ZNF333: variants seen among roughly 807,000 people sequenced by gnomAD.
The protein encoded by ZNF333 is zinc finger protein 333.
Under a neutral mutation model 76.1 loss-of-function variants are expected in ZNF333, and 61 were observed. The observed-to-expected ratio is 0.80, with a 90% CI of 0.65 to 0.99. The LOEUF (loss-of-function observed/expected upper bound fraction) is 0.99. ZNF333 is among the 50% of genes least tolerant of loss of function. The pLI is 0.00. For synonymous variants in ZNF333, 284 were observed against 305.0 expected (o/e 0.93, Z 0.72); for missense variants, 717 against 822.4 (o/e 0.87, Z 1.57).
Position 14,695,635 on chromosome 19 carries a change from G to A in ZNF333, c.197G>A (p.Arg66Gln), listed in dbSNP as rs201270382. 4 of 1,614,138 alleles carry A rather than the reference G, an allele frequency of 2.5e-6. No individual in the cohort carries two copies. Among genetic ancestry groups the A allele is most frequent in the South Asian group, 2.2e-5 (2 of 91,084 alleles). ...AGAGCAGAGCCAAAGGCAACAGAAC[G>A]AGGGATTCTCCGTGCCACAGGTGTT... is the stretch of plus-strand genomic sequence containing the variant. ...GQRAEPKATERGILRATGVAW... is the reference protein window; with the variant it reads ...GQRAEPKATEQGILRATGVAW... The change falls in exon 4 of 12, where the codon CGA (arginine) becomes CAA (glutamine). Residue 66 changes from arginine to glutamine, a missense_variant. Physicochemically the swap from Arg to Gln is conservative, Grantham distance 43 (BLOSUM62 1). Transcript: ENST00000292530.
At chr19:14,696,083 A>C (rs1036044957) in intron 4 of ZNF333, among the ~76,000 whole-genome samples, 5 of 152,304 alleles carry the variant, frequency 3.3e-5, no homozygotes, top group African/African-American at 1.2e-4. Context: ...AGGCATGAGA[A>C]TTGCTTGAAC....
chr19:14,701,342 T>C (rs1288631599), intron 5 of ZNF333, among the ~76,000 whole-genome samples: 1 of 152,204 alleles, frequency 6.6e-6, no homozygotes. Context: ...GCTCAAGTGC[T>C]CTTCCTGCCT....
At chr19:14,722,672 G>C (rs539425008), downstream of ZNF333, among the ~76,000 whole-genome samples, 18 of 152,090 alleles carry the variant, frequency 1.2e-4, no homozygotes, top group Non-Finnish European at 2.2e-4. Context: ...AAAAATCATT[G>C]CAAATCTAAT....
exon 12 of ZNF333, chr19:14,731,332 A>G: frequency 1.3e-6 from 1 of 775,058 alleles, no homozygotes; most frequent in South Asian, 1.7e-5. Flanking sequence ...TTGGACTTTC[A>G]AACTTCCAGT....
At chr19:14,713,689 G>A (rs1048626835) in intron 7 of ZNF333, among the ~76,000 whole-genome samples, 3 of 152,100 alleles carry the variant, frequency 2.0e-5, no homozygotes, top group Admixed American at 1.3e-4. Context: ...TAGGTGCAGT[G>A]GCTTGCAGCT....
chr19:14,711,028 C>T (rs1302775647), intron 7 of ZNF333, among the ~76,000 whole-genome samples: 1 of 152,026 alleles, frequency 6.6e-6, no homozygotes, highest in Non-Finnish European at 1.5e-5. Context: ...TAACAACCAG[C>T]TTCCTTGGAA....
chr19:14,702,013 CT>C (rs1383923022), intron 5 of ZNF333: 1 of 581,012 alleles, frequency 1.7e-6, no homozygotes, highest in Non-Finnish European at 2.2e-6. Flanking sequence ...GGTGCTGACC[CT>C]TTAGGTAGCC....
chr19:14,720,388 C>T lies in ZNF333; in HGVS notation c.*1063C>T. On this transcript the variant is annotated 3_prime_UTR_variant, in exon 12 of 12. Transcript: ENST00000292530. Reference sequence around the variant, plus strand: ...TGGACAAGTAGACATGATTTCTAGACCTAGAGGAGCCCTCCTGTGACCATA... The same window carrying T: ...TGGACAAGTAGACATGATTTCTAGATCTAGAGGAGCCCTCCTGTGACCATA... The T allele has an allele frequency of 1.0e-6, 1 of 985,408 alleles. No individual in the cohort carries two copies. Among genetic ancestry groups the T allele is most frequent in the Non-Finnish European group, 1.2e-6 (1 of 829,938 alleles). The allele number at this position is 985,408 out of a possible 1,614,324, so 61.0% of individuals were successfully genotyped here.
At chr19:14,705,206 G>C (rs765475611) in intron 6 of ZNF333, 36 bp downstream of exon 6, 51 of 1,593,180 alleles carry the variant, frequency 3.2e-5, no homozygotes, top group Admixed American at 3.0e-4. Context: ...ATGGCACCAG[G>C]TGCAGTCAGG....
In ZNF333 at chr19:14,696,731, CTTTTTTTTTTTTT is replaced by C. The variant is rs55742444; in HGVS notation, c.223+1083_223+1095del. Among the ~76,000 whole-genome samples the C allele has an allele frequency of 9.7e-5, 8 of 82,718 alleles. No individual in the cohort carries two copies. The South Asian group carries it at 4.2e-3, about 43-fold the overall frequency. 54.3% of individuals were successfully genotyped at this position (82,718 alleles called of 152,430 possible). ...GGCAGATTCCTCGTGACCTAATCAC[CTTTTTTTTTTTTT>C]TTTTTTTTTTTTGGGACAGAGTCTC... is the stretch of plus-strand genomic sequence containing the variant. On this transcript the variant is annotated intron_variant, in intron 4 of 11. Coordinates refer to ENST00000292530, the MANE Select transcript of ZNF333 (RefSeq NM_032433.4).
At position 14,699,402 on chromosome 19, in the gene ZNF333, A is replaced by G. The variant is rs1973520463; in HGVS notation, c.306+121A>G. The G allele has an allele frequency of 4.6e-6, 4 of 864,576 alleles. No individual in the cohort carries two copies. In the Admixed American group the frequency reaches 7.8e-5, roughly 17 times the overall value. The allele number at this position is 864,576 out of a possible 1,614,324, so 53.6% of individuals were successfully genotyped here. ...AGCATGGGTGTCTCTTGGAAGGGAA[A>G]CAGTGTCTGAGGGGAGTGCCTGTGA... On this transcript the variant is annotated intron_variant, in intron 5 of 11. Coordinates refer to ENST00000292530, the MANE Select transcript of ZNF333 (RefSeq NM_032433.4).
At chr19:14,699,452 C>G in intron 5 of ZNF333, 171 bp downstream of exon 5, 1 of 563,306 alleles carries the variant, frequency 1.8e-6, no homozygotes, top group South Asian at 2.2e-5. Flanking sequence ...CAAACCCAGA[C>G]TGTTGCTCAA....
intron 5 of ZNF333, chr19:14,701,811 G>A: frequency 1.0e-6 from 1 of 985,508 alleles, no homozygotes; most frequent in Non-Finnish European, 1.2e-6. Flanking sequence ...ACTATTCTGA[G>A]TGGGCAGAGG....
intron 5 of ZNF333, among the ~76,000 whole-genome samples, chr19:14,699,687 C>T (rs1013038507): frequency 1.3e-5 from 2 of 152,120 alleles, no homozygotes; most frequent in Non-Finnish European, 2.9e-5. Context: ...GTCTCGAACT[C>T]CTGGCCTCAA....
intron 7 of ZNF333, among the ~76,000 whole-genome samples, chr19:14,713,491 T>C (rs1338341481): frequency 6.6e-6 from 1 of 152,022 alleles, no homozygotes; most frequent in Non-Finnish European, 1.5e-5. Flanking sequence ...AGTTTGGGAA[T>C]TGACACCCAG....
chr19:14,706,867 C>T, intron 7 of ZNF333, 94 bp downstream of exon 7: 1 of 1,065,344 alleles, frequency 9.4e-7, no homozygotes. Context: ...TGCATTTCCT[C>T]TGACTGCAGG....
chr19:14,731,244 C>T (rs1351259466), exon 12 of ZNF333: 2 of 1,477,396 alleles, frequency 1.4e-6, no homozygotes, highest in African/African-American at 1.4e-5. Flanking sequence ...TAGAATCCAA[C>T]CTCTGGATAT....
Position 14,694,059 on chromosome 19 carries a change from G to A in ZNF333, c.3+565G>A, listed in dbSNP as rs371636040. 3.1e-4 allele frequency among the ~76,000 whole-genome samples: 47 copies of A among 151,728 alleles called. No individual in the cohort carries two copies. In the South Asian group the frequency reaches 6.2e-3, roughly 20 times the overall value. ...GTCGCCCCAGTCACATTGCCCAAGT[G>A]CTCAACAGCCACATGTGCTGGTAGC... On this transcript the variant is annotated intron_variant, in intron 2 of 11. Transcript: ENST00000292530.
At chr19:14,711,560 A>G (rs1048186753) in intron 7 of ZNF333, among the ~76,000 whole-genome samples, 7 of 152,136 alleles carry the variant, frequency 4.6e-5, no homozygotes, top group Admixed American at 3.3e-4. Context: ...CTCGCTACTC[A>G]GGAGGCTGAG....
Sources: allele counts gnomAD v4.1 joint callset (sites outside exome capture counted in the v4.1 genomes callset), GRCh38; gene constraint gnomAD v4.1.1; transcripts MANE v1.5; gene names NCBI Gene and HGNC (gene_info 2026-07-23, HGNC 2026-07-21).